MEGF11: variants seen among roughly 807,000 people sequenced by gnomAD.
MEGF11 encodes multiple EGF like domains 11, also known as multiple epidermal growth factor-like domains protein 11.
MEGF11 carries 126 observed loss-of-function variants against 146.6 expected under a neutral mutation model. That is an observed-to-expected ratio of 0.86 (90% CI 0.74 to 1.00). The LOEUF (loss-of-function observed/expected upper bound fraction) is 1.00, where lower values mean the gene tolerates loss of function less well. Among genes scored for constraint, MEGF11 ranks in the 50% least tolerant of loss-of-function variants. The probability of loss-of-function intolerance (pLI) is 0.00; values close to 1 mark genes in which losing one functional copy is unlikely to be tolerated. For synonymous variants in MEGF11, 532 were observed against 583.4 expected (o/e 0.91, Z 1.27); for missense variants, 1,509 against 1,521.2 (o/e 0.99, Z 0.13).
At position 66,173,430 on chromosome 15, in the gene MEGF11, C is replaced by T. The variant is rs545726721; in HGVS notation, c.-8-45019G>A. Among the ~76,000 whole-genome samples the T allele has an allele frequency of 2.6e-4, 39 of 152,276 alleles. 1 individual carries two copies. In the South Asian group the frequency reaches 8.1e-3, roughly 32 times the overall value. ...TCCCGGTTTCAAGCGATTCTCCTGC[C>T]TCAGCCTCCTGAATAGCTGGGATTA... On this transcript the variant is annotated intron_variant, in intron 1 of 25. Coordinates refer to ENST00000395614, the MANE Select transcript of MEGF11 (RefSeq NM_001385028.1).
chr15:66,165,402 T>C (rs1344315024), intron 1 of MEGF11, among the ~76,000 whole-genome samples: 15 of 152,204 alleles, frequency 9.9e-5, no homozygotes. Context: ...GCTGACCTTG[T>C]CAAACAGCTT....
At chr15:66,157,535 T>C (rs1177676152) in intron 1 of MEGF11, among the ~76,000 whole-genome samples, 1 of 152,214 alleles carries the variant, frequency 6.6e-6, no homozygotes, top group Non-Finnish European at 1.5e-5. Flanking sequence ...CCAGGTATTC[T>C]CTTTAGCCCC....
chr15:65,978,741 G>A (rs2081533751), intron 7 of MEGF11, among the ~76,000 whole-genome samples: 1 of 152,084 alleles, frequency 6.6e-6, no homozygotes, highest in Admixed American at 6.6e-5. Flanking sequence ...GGTTCAGGGT[G>A]GAAGAAAAGG....
At chr15:65,905,277 C>T (rs983489465) in intron 24 of MEGF11, 3 of 152,176 alleles carry the variant, frequency 2.0e-5, no homozygotes, top group Non-Finnish European at 4.4e-5. Context: ...AAAACACTTC[C>T]CATTGGTGAT....
At chr15:66,044,862 A>C (rs2084137557) in intron 5 of MEGF11, among the ~76,000 whole-genome samples, 1 of 149,646 alleles carries the variant, frequency 6.7e-6, no homozygotes, top group Non-Finnish European at 1.5e-5. Context: ...AAAAAAAAAA[A>C]AAAAAAAAAA....
intron 1 of MEGF11, among the ~76,000 whole-genome samples, chr15:66,249,339 C>T (rs979985106): frequency 2.0e-5 from 3 of 152,038 alleles, no homozygotes; most frequent in Admixed American, 2.0e-4. Flanking sequence ...ATGAAGAAGG[C>T]ATGTTTTTTT....
At chr15:66,117,526 A>G (rs1010135583) in intron 4 of MEGF11, among the ~76,000 whole-genome samples, 2 of 152,180 alleles carry the variant, frequency 1.3e-5, no homozygotes, top group Admixed American at 6.5e-5. Flanking sequence ...GGAAATTAGA[A>G]AGGAAATGTG....
intron 5 of MEGF11, among the ~76,000 whole-genome samples, chr15:66,027,026 G>A (rs755432279): frequency 5.3e-5 from 8 of 152,130 alleles, no homozygotes; most frequent in Non-Finnish European, 1.0e-4. Flanking sequence ...CCTGTGATCC[G>A]CCTGATTATC....
intron 1 of MEGF11, among the ~76,000 whole-genome samples, chr15:66,251,939 C>A (rs1006405289): frequency 2.0e-5 from 3 of 152,230 alleles, no homozygotes; most frequent in Non-Finnish European, 4.4e-5. Flanking sequence ...GGATGCTCAA[C>A]GTCTGCTCAA....
chr15:66,179,089 G>A (rs1168577899), intron 1 of MEGF11, among the ~76,000 whole-genome samples: 3 of 146,638 alleles, frequency 2.0e-5, no homozygotes, highest in African/African-American at 5.1e-5. Context: ...CTGTCAGCCC[G>A]GGAAGCATCA....
intron 1 of MEGF11, among the ~76,000 whole-genome samples, chr15:66,191,161 C>T (rs2090862758): frequency 6.6e-6 from 1 of 152,206 alleles, no homozygotes; most frequent in Middle Eastern, 3.4e-3. Flanking sequence ...CTATATCCCT[C>T]CCCCCGCCAA....
At chr15:66,205,127 C>T (rs2091267364) in intron 1 of MEGF11, among the ~76,000 whole-genome samples, 1 of 151,928 alleles carries the variant, frequency 6.6e-6, no homozygotes, top group African/African-American at 2.4e-5. Context: ...GGCAGCTTAG[C>T]AAGACAAGAA....
intron 5 of MEGF11, among the ~76,000 whole-genome samples, chr15:66,066,860 G>T (rs1277131991): frequency 6.6e-6 from 1 of 152,196 alleles, no homozygotes; most frequent in Non-Finnish European, 1.5e-5. Flanking sequence ...ATGCTCTGTG[G>T]CCCCAGCAAT....
At chr15:66,116,785 A>G (rs142351175) in intron 4 of MEGF11, among the ~76,000 whole-genome samples, 101 of 152,284 alleles carry the variant, frequency 6.6e-4, no homozygotes, top group Non-Finnish European at 1.3e-3. Context: ...TGGAGGAGGG[A>G]ACTGACATTT....
intron 17 of MEGF11, chr15:65,916,576 G>T: frequency 1.4e-6 from 1 of 715,844 alleles, no homozygotes; most frequent in Non-Finnish European, 2.4e-6. Flanking sequence ...GGAAGGTCTG[G>T]TCTTGGTGAT....
intron 4 of MEGF11, among the ~76,000 whole-genome samples, chr15:66,102,021 T>C (rs2086830879): frequency 6.6e-6 from 1 of 152,060 alleles, no homozygotes; most frequent in East Asian, 1.9e-4. Flanking sequence ...TAATAATTGT[T>C]TATCAATTAA....
chr15:65,916,002 A>G, intron 18 of MEGF11, 146 bp downstream of exon 18: 1 of 1,053,616 alleles, frequency 9.5e-7, no homozygotes, highest in Non-Finnish European at 1.3e-6. Context: ...GACCTTCCTC[A>G]GCATTTTTCC....
At chr15:66,226,150 G>T (rs574841017) in intron 1 of MEGF11, among the ~76,000 whole-genome samples, 2 of 152,146 alleles carry the variant, frequency 1.3e-5, no homozygotes, top group Admixed American at 6.5e-5. Context: ...GTGTAGCCAC[G>T]CTGTAGACGC....
Position 66,107,054 on chromosome 15 carries a change from A to AC in MEGF11, c.301+12031dup, listed in dbSNP as rs35937464. 7.1e-3 allele frequency among the ~76,000 whole-genome samples: 934 copies of AC among 132,430 alleles called. 10 individuals carry two copies. The highest frequency in any genetic ancestry group is 0.015 in the African/African-American group (510 of 34,462). The allele number at this position is 132,430 out of a possible 152,430, so 86.9% of individuals were successfully genotyped here. A position where few individuals can be genotyped will look rare whatever the true frequency, so the allele number is the denominator to read the frequency against. On this transcript the variant is annotated intron_variant, in intron 4 of 25. Coordinates refer to ENST00000395614, the MANE Select transcript of MEGF11 (RefSeq NM_001385028.1). ...CCTGTAGTTCAATGTTTATATTCCTACCCCCCCACCAGGTATAGACAGGGA... is the reference window on the plus strand; with the variant it reads ...CCTGTAGTTCAATGTTTATATTCCTACCCCCCCCACCAGGTATAGACAGGGA...
Sources: gnomAD v4.1 joint callset for allele counts (sites outside exome capture counted in the v4.1 genomes callset) on GRCh38, gnomAD v4.1.1 for gene constraint, MANE v1.5 for transcripts, NCBI Gene and HGNC (gene_info 2026-07-23, HGNC 2026-07-21) for gene names.